RALYL: variants seen among roughly 807,000 people sequenced by gnomAD.
RALYL encodes RNA-binding Raly-like protein.
In RALYL, 29 loss-of-function variants were observed where a neutral mutation model predicts 35.1. That is an observed-to-expected ratio of 0.83 (90% confidence interval 0.61 to 1.13). RALYL has a LOEUF of 1.13. Ranked by LOEUF, RALYL falls within the 50% of genes most tolerant of loss-of-function variation. The pLI, the probability that RALYL is intolerant of heterozygous loss-of-function variation, is 0.00. For missense variants in RALYL, 359 were observed against 360.4 expected (o/e 1.00, Z 0.03); for synonymous variants, 120 against 127.6 (o/e 0.94, Z 0.40).
At chr8:84,559,926 A>G (rs1018637160) in intron 2 of RALYL, among the ~76,000 whole-genome samples, 2 of 151,730 alleles carry the variant, frequency 1.3e-5, no homozygotes, top group East Asian at 3.9e-4. Flanking sequence ...GAGGCATAGT[A>G]CAAGAGAGCT....
At chr8:84,231,234 TGA>T (rs1257592279) in intron 1 of RALYL, among the ~76,000 whole-genome samples, 2 of 152,106 alleles carry the variant, frequency 1.3e-5, no homozygotes, top group African/African-American at 4.8e-5. Context: ...GTTGGATGGA[TGA>T]GAGAATGAAT....
chr8:84,544,827 C>G (rs2060249615), intron 2 of RALYL, among the ~76,000 whole-genome samples: 1 of 151,888 alleles, frequency 6.6e-6, no homozygotes, highest in Non-Finnish European at 1.5e-5. Flanking sequence ...ATATATTTTA[C>G]AACACAAAAT....
Position 84,894,088 on chromosome 8 carries a change from A to T in RALYL, c.858+6312A>T. On this transcript the variant is annotated intron_variant, in intron 8 of 8. Transcript: ENST00000521268. The stretch of plus-strand genomic sequence containing the variant: ...CCTGCAGTTGAAGACAACTGAAAGT[A>T]AACATTCTGGTACACCATTGAAAAA... Among the ~76,000 whole-genome samples the T allele has an allele frequency of 1.3e-5, 2 of 152,196 alleles. 1 individual carries two copies. Among genetic ancestry groups the T allele is most frequent in the Non-Finnish European group, 2.9e-5 (2 of 68,038 alleles).
At chr8:84,818,940 A>G (rs1827924055) in intron 4 of RALYL, among the ~76,000 whole-genome samples, 1 of 152,164 alleles carries the variant, frequency 6.6e-6, no homozygotes, top group African/African-American at 2.4e-5. Flanking sequence ...ATCCATGCGT[A>G]GTGTTGAAAC....
At chr8:84,310,395 A>G (rs1407164167) in intron 1 of RALYL, among the ~76,000 whole-genome samples, 2 of 152,178 alleles carry the variant, frequency 1.3e-5, no homozygotes, top group East Asian at 1.9e-4. Flanking sequence ...AAAATTGAAT[A>G]TATGTTAATT....
At chr8:84,787,939 T>C (rs1003168449) in intron 3 of RALYL, among the ~76,000 whole-genome samples, 4 of 152,212 alleles carry the variant, frequency 2.6e-5, no homozygotes, top group African/African-American at 9.6e-5. Flanking sequence ...GATGAGTAGA[T>C]TGCAAAAATT....
intron 1 of RALYL, among the ~76,000 whole-genome samples, chr8:84,511,283 A>G (rs533293024): frequency 2.0e-4 from 30 of 152,330 alleles, no homozygotes; most frequent in South Asian, 2.1e-4. Context: ...AGTTAAACTT[A>G]GGCATTTGCT....
chr8:84,435,179 TCTAAC>T (rs1326568617), intron 1 of RALYL, among the ~76,000 whole-genome samples: 1 of 152,084 alleles, frequency 6.6e-6, no homozygotes, highest in Non-Finnish European at 1.5e-5. Flanking sequence ...ATTCTGTGAT[TCTAAC>T]ACTGTGATTA....
chr8:84,394,416 G>T (rs368755580), intron 1 of RALYL, among the ~76,000 whole-genome samples: 1 of 152,120 alleles, frequency 6.6e-6, no homozygotes, highest in Non-Finnish European at 1.5e-5. Flanking sequence ...AACACTTTGC[G>T]TACTTCCATC....
At chr8:84,612,550 C>CAAGCATTTGCTTGTCTG (rs1564235368) in intron 2 of RALYL, among the ~76,000 whole-genome samples, 1 of 151,830 alleles carries the variant, frequency 6.6e-6, no homozygotes, top group African/African-American at 2.4e-5. Context: ...TGTTACTCTA[C>CAAGCATTTGCTTGTCTG]TCCAGAAGAG....
intron 1 of RALYL, among the ~76,000 whole-genome samples, chr8:84,462,347 C>T (rs907082135): frequency 1.3e-5 from 2 of 151,114 alleles, no homozygotes; most frequent in Non-Finnish European, 3.0e-5. Context: ...AGTCTCTTTT[C>T]GGATATGTCT....
chr8:84,825,957 G>A (rs1829584424), intron 4 of RALYL, among the ~76,000 whole-genome samples: 1 of 152,024 alleles, frequency 6.6e-6, no homozygotes. Context: ...ATACACCATG[G>A]AATACTACAC....
chr8:84,713,818 A>ATTT (rs1186826923), intron 2 of RALYL, among the ~76,000 whole-genome samples: 1,554 of 151,732 alleles, frequency 0.01, 33 homozygotes, highest in African/African-American at 0.035. Flanking sequence ...AAAAGTCAAG[A>ATTT]TTGGAATCAA....
chr8:84,535,630 ATT>A, intron 2 of RALYL, among the ~76,000 whole-genome samples: 1 of 150,130 alleles, frequency 6.7e-6, no homozygotes, highest in East Asian at 2.0e-4. Context: ...ATTTTATTTT[ATT>A]TTATTTTATT....
At chr8:84,380,293 T>G (rs1351844132) in intron 1 of RALYL, among the ~76,000 whole-genome samples, 1 of 151,944 alleles carries the variant, frequency 6.6e-6, no homozygotes, top group African/African-American at 2.4e-5. Flanking sequence ...CTGTCATTTC[T>G]TCTTTGAAAA....
At chr8:84,456,326 G>A (rs952023928) in intron 1 of RALYL, among the ~76,000 whole-genome samples, 8 of 151,972 alleles carry the variant, frequency 5.3e-5, no homozygotes, top group South Asian at 2.1e-4. Context: ...ACACTCATCC[G>A]AATTTGGTAT....
At chr8:84,642,374 A>G (rs1320203638) in intron 2 of RALYL, among the ~76,000 whole-genome samples, 2 of 127,358 alleles carry the variant, frequency 1.6e-5, no homozygotes, top group African/African-American at 9.1e-5. Context: ...TAAACTTGAG[A>G]AAAAAAACTC....
chr8:84,491,555 T>A (rs2055308570), intron 1 of RALYL, among the ~76,000 whole-genome samples: 1 of 152,000 alleles, frequency 6.6e-6, no homozygotes, highest in Admixed American at 6.6e-5. Flanking sequence ...TTCCTACTAA[T>A]GTTTCAAGAG....
intron 7 of RALYL, among the ~76,000 whole-genome samples, chr8:84,873,948 G>A (rs1254826410): frequency 6.6e-6 from 1 of 152,082 alleles, no homozygotes; most frequent in Admixed American, 6.6e-5. Flanking sequence ...TCTGTCTTTT[G>A]AATTATCAGC....
Sources: allele counts gnomAD v4.1 joint callset (sites outside exome capture counted in the v4.1 genomes callset), GRCh38; gene constraint gnomAD v4.1.1; transcripts MANE v1.5; gene names NCBI Gene and HGNC (gene_info 2026-07-23, HGNC 2026-07-21).